Variants in MAGI2 observed in about 807,000 individuals in gnomAD.
The protein encoded by MAGI2 is membrane associated guanylate kinase, WW and PDZ domain containing 2.
Under a neutral mutation model 133.3 loss-of-function variants are expected in MAGI2, and 35 were observed. The ratio of observed to expected loss-of-function variants is 0.26; its 90% CI spans 0.20 to 0.35. The LOEUF is 0.35. MAGI2 is among the 10% of genes least tolerant of loss of function. MAGI2 has a pLI of 1.00. For synonymous variants in MAGI2, 729 were observed against 710.6 expected, an observed-to-expected ratio of 1.03 and a Z score of -0.41; for missense variants, 1,636 against 1,863.4, an observed-to-expected ratio of 0.88 and a Z score of 2.25.
chr7:79,172,342 T>C, intron 1 of MAGI2, among the ~76,000 whole-genome samples: 1 of 152,110 alleles, frequency 6.6e-6, no homozygotes, highest in East Asian at 1.9e-4. Flanking sequence ...GTTATAGCCA[T>C]ACCTTTGAAC....
chr7:78,068,520 G>A (rs1445350663), intron 21 of MAGI2, among the ~76,000 whole-genome samples: 2 of 151,980 alleles, frequency 1.3e-5, no homozygotes, highest in Non-Finnish European at 2.9e-5. Flanking sequence ...GGGTGGCTGT[G>A]CATGAATGGG....
At chr7:79,289,033 G>A (rs1836254617) in intron 1 of MAGI2, among the ~76,000 whole-genome samples, 1 of 152,032 alleles carries the variant, frequency 6.6e-6, no homozygotes, top group African/African-American at 2.4e-5. Context: ...CCGACCCCTG[G>A]CAAATGGAAC....
chr7:78,581,872 G>A (rs1802872986), intron 3 of MAGI2, among the ~76,000 whole-genome samples: 1 of 152,102 alleles, frequency 6.6e-6, no homozygotes, highest in Non-Finnish European at 1.5e-5. Flanking sequence ...AAACTAGGAG[G>A]AACTTAGTAA....
chr7:79,422,119 C>G (rs191491428), intron 1 of MAGI2, among the ~76,000 whole-genome samples: 200 of 152,142 alleles, frequency 1.3e-3, no homozygotes, highest in Non-Finnish European at 6.9e-4. Context: ...TTGGTCAATT[C>G]TGAAATGGTA....
chr7:78,170,877 A>G (rs967706522), intron 14 of MAGI2: 1 of 152,160 alleles, frequency 6.6e-6, no homozygotes, highest in East Asian at 1.9e-4. Context: ...GTTTCAAAAA[A>G]AGGTTGCCAT....
intron 6 of MAGI2, among the ~76,000 whole-genome samples, chr7:78,458,747 G>T (rs1054764677): frequency 7.3e-5 from 11 of 151,542 alleles, no homozygotes; most frequent in African/African-American, 2.7e-4. Flanking sequence ...ACATTCTCCT[G>T]CTTCAGCCTC....
chr7:78,261,686 A>T (rs561865357), intron 9 of MAGI2, among the ~76,000 whole-genome samples: 41 of 152,270 alleles, frequency 2.7e-4, no homozygotes, highest in African/African-American at 9.6e-4. Flanking sequence ...AAAGAAAAAT[A>T]AAAAAACCTG....
chr7:79,431,638 T>TA (rs1847785302), intron 1 of MAGI2, among the ~76,000 whole-genome samples: 1 of 152,196 alleles, frequency 6.6e-6, no homozygotes, highest in African/African-American at 2.4e-5. Context: ...AATGAGCAAT[T>TA]AGTCTTGAAA....
intron 2 of MAGI2, among the ~76,000 whole-genome samples, chr7:78,848,580 TTC>T (rs1166803751): frequency 2.0e-5 from 3 of 151,958 alleles, no homozygotes; most frequent in African/African-American, 7.2e-5. Flanking sequence ...AAAAAGGCTC[TTC>T]ATGACCTACT....
In MAGI2 at chr7:78,256,377, A is replaced by G. The variant is rs770873326; in HGVS notation, c.1613T>C (p.Val538Ala). Residue 538 changes from valine to alanine, a missense_variant, in exon 10 of 22, where the codon GTC becomes GCC. Physicochemically the swap from Val to Ala is moderately conservative, Grantham distance 64 (BLOSUM62 0). Transcript: ENST00000354212. ...AIMERPPPVM[V>A]NGRHNYETYL... ...TGTTTCATAGTTGTGTCTTCCATTG[A>G]CCATCACTGGAGGTGGCCTCTCCAT... 2 of 1,613,952 alleles carry G rather than the reference A, an allele frequency of 1.2e-6. No individual in the cohort carries two copies. Among genetic ancestry groups the G allele is most frequent in the African/African-American group, 1.3e-5 (1 of 75,036 alleles).
chr7:79,309,780 A>G (rs1838093930), intron 1 of MAGI2, among the ~76,000 whole-genome samples: 5 of 151,970 alleles, frequency 3.3e-5, no homozygotes, highest in Admixed American at 1.3e-4. Flanking sequence ...ATCACTGTGA[A>G]GATAATGTTA....
At chr7:78,286,470 T>C (rs1229112439) in intron 9 of MAGI2, among the ~76,000 whole-genome samples, 1 of 152,172 alleles carries the variant, frequency 6.6e-6, no homozygotes, top group Non-Finnish European at 1.5e-5. Context: ...CATAGAAGAA[T>C]TGATACGTGA....
At chr7:78,763,870 T>G (rs1293159319) in intron 2 of MAGI2, among the ~76,000 whole-genome samples, 1 of 152,176 alleles carries the variant, frequency 6.6e-6, no homozygotes, top group Non-Finnish European at 1.5e-5. Flanking sequence ...ATCAATTAAT[T>G]TCAATTCTCT....
Position 78,343,775 on chromosome 7 carries a change from T to C in MAGI2, c.1408+3A>G. 6.5e-7 allele frequency: 1 copy of C among 1,548,032 alleles called. No homozygotes were observed. Among genetic ancestry groups the C allele is most frequent in the South Asian group, 1.3e-5 (1 of 79,756 alleles). ...CAATTTTCTAAACCATGAAGGACCTTACCTGTTTCCATTTTTCCATCCTGT... is the reference window on the plus strand; with the variant it reads ...CAATTTTCTAAACCATGAAGGACCTCACCTGTTTCCATTTTTCCATCCTGT... On this transcript the variant is annotated splice_donor_region_variant and intron_variant, in intron 9 of 21. Transcript: ENST00000354212.
At chr7:78,069,422 A>T (rs531833238) in intron 21 of MAGI2, among the ~76,000 whole-genome samples, 110 of 152,090 alleles carry the variant, frequency 7.2e-4, no homozygotes, top group African/African-American at 2.5e-3. Context: ...GAATGCAGGC[A>T]TCTGTGTATT....
intron 2 of MAGI2, among the ~76,000 whole-genome samples, chr7:78,894,898 A>C (rs1176542830): frequency 6.6e-6 from 1 of 152,160 alleles, no homozygotes; most frequent in Non-Finnish European, 1.5e-5. Flanking sequence ...TAAGCAACAA[A>C]ATATCTAAAA....
intron 2 of MAGI2, among the ~76,000 whole-genome samples, chr7:78,955,753 C>A (rs1802295807): frequency 1.5e-5 from 1 of 68,022 alleles, no homozygotes; most frequent in Non-Finnish European, 3.3e-5. Context: ...TTCTTTCTTT[C>A]TTTCTTTCTT....
At position 78,327,141 on chromosome 7, in the gene MAGI2, T is replaced by C. The variant is rs118159436; in HGVS notation, c.1408+16637A>G. ...CCACATTGGAGCACTGCCCAGTCTG[T>C]TGACACTGGGTATTCCTTGCCCAGC... is the stretch of plus-strand genomic sequence containing the variant. On this transcript the variant is annotated intron_variant, in intron 9 of 21. Transcript: ENST00000354212. 2.2e-3 allele frequency among the ~76,000 whole-genome samples: 334 copies of C among 152,340 alleles called. 1 individual carries two copies. Among genetic ancestry groups the C allele is most frequent in the East Asian group, 0.014 (73 of 5,184 alleles).
At chr7:78,206,331 G>C (rs189013501) in intron 10 of MAGI2, among the ~76,000 whole-genome samples, 1,447 of 128,004 alleles carry the variant, frequency 0.011, 33 homozygotes, top group African/African-American at 0.032. Flanking sequence ...TTGCTCTGTT[G>C]CCTAGGCTGG....
Sources: gnomAD v4.1 joint callset for allele counts (sites outside exome capture counted in the v4.1 genomes callset) on GRCh38, gnomAD v4.1.1 for gene constraint, MANE v1.5 for transcripts, NCBI Gene and HGNC (gene_info 2026-07-23, HGNC 2026-07-21) for gene names.